The following RNF130 variants were observed in gnomAD, a reference collection of about 807,000 sequenced individuals.
RNF130 encodes the protein E3 ubiquitin-protein ligase RNF130.
RNF130 carries 21 observed loss-of-function variants against 44.6 expected under a neutral mutation model. The ratio of observed to expected loss-of-function variants is 0.47; its 90% confidence interval spans 0.33 to 0.68. The LOEUF is 0.68. Among genes scored for constraint, RNF130 ranks in the 30% least tolerant of loss-of-function variants. The probability of loss-of-function intolerance (pLI) is 0.02; values close to 1 mark genes in which losing one functional copy is unlikely to be tolerated. For synonymous variants in RNF130, 214 were observed against 210.4 expected (o/e 1.02, Z -0.15); for missense variants, 479 against 560.6 (o/e 0.85, Z 1.47).
intron 3 of RNF130, among the ~76,000 whole-genome samples, chr5:179,994,462 CTT>C (rs1231541626): frequency 6.6e-6 from 1 of 152,154 alleles, no homozygotes; most frequent in East Asian, 1.9e-4. Flanking sequence ...ATTTTACTCT[CTT>C]TGAAGCAATT....
intron 1 of RNF130, among the ~76,000 whole-genome samples, chr5:180,047,623 A>C (rs1764596575): frequency 6.6e-6 from 1 of 152,140 alleles, no homozygotes; most frequent in African/African-American, 2.4e-5. Context: ...GTAGGCCTGT[A>C]ATCCTAGCTA....
chr5:180,028,372 C>T (rs1365490664), intron 2 of RNF130, among the ~76,000 whole-genome samples: 1 of 152,126 alleles, frequency 6.6e-6, no homozygotes, highest in Non-Finnish European at 1.5e-5. Flanking sequence ...AATCCAACTC[C>T]CTCTCTCTAC....
chr5:180,027,194 G>C (rs971631148), intron 2 of RNF130, among the ~76,000 whole-genome samples: 4 of 152,116 alleles, frequency 2.6e-5, no homozygotes, highest in African/African-American at 7.2e-5. Context: ...ACTGTCTGGG[G>C]TGGGGTGGGG....
exon 8 of RNF130, chr5:179,912,544 C>A (rs1296484875): frequency 6.6e-6 from 1 of 152,248 alleles, no homozygotes. Context: ...CTCTCTGCTT[C>A]TCTCCAGGAT....
At chr5:180,036,815 TATA>T (rs1251850177) in intron 2 of RNF130, among the ~76,000 whole-genome samples, 1 of 146,232 alleles carries the variant, frequency 6.8e-6, no homozygotes, top group Non-Finnish European at 1.5e-5. Flanking sequence ...TTACAAAGAA[TATA>T]ATGTCTGTCT....
chr5:180,041,496 G>A (rs751831320), intron 1 of RNF130, among the ~76,000 whole-genome samples: 3 of 151,916 alleles, frequency 2.0e-5, no homozygotes, highest in East Asian at 3.9e-4. Context: ...CTGCACATAT[G>A]GCCATCATGG....
intron 1 of RNF130, among the ~76,000 whole-genome samples, chr5:180,047,819 C>G (rs968351255): frequency 1.1e-4 from 17 of 152,194 alleles, no homozygotes; most frequent in Admixed American, 1.1e-3. Context: ...GCTCTCCTCT[C>G]TCCACTCCCA....
At chr5:180,057,594 C>G (rs910755842) in intron 1 of RNF130, among the ~76,000 whole-genome samples, 1 of 151,930 alleles carries the variant, frequency 6.6e-6, no homozygotes, top group African/African-American at 2.4e-5. Flanking sequence ...TCCCTAAAAA[C>G]TTTAAACAAC....
intron 3 of RNF130, among the ~76,000 whole-genome samples, chr5:180,004,767 T>G (rs1247474195): frequency 6.6e-6 from 1 of 152,248 alleles, no homozygotes; most frequent in Admixed American, 6.5e-5. Flanking sequence ...GGTTTTGCCA[T>G]TCGGCAATCA....
chr5:180,059,336 G>A (rs1419579389), intron 1 of RNF130, among the ~76,000 whole-genome samples: 1 of 152,188 alleles, frequency 6.6e-6, no homozygotes, highest in African/African-American at 2.4e-5. Context: ...GCATCCCGAT[G>A]CTTTCCCAAG....
intron 1 of RNF130, among the ~76,000 whole-genome samples, chr5:180,070,077 C>T (rs1765209476): frequency 6.6e-6 from 1 of 152,224 alleles, no homozygotes; most frequent in African/African-American, 2.4e-5. Context: ...CTTGCCTCCC[C>T]TTCCTCTTTC....
At chr5:179,960,682 C>G (rs1477567814) in intron 8 of RNF130, among the ~76,000 whole-genome samples, 1 of 152,184 alleles carries the variant, frequency 6.6e-6, no homozygotes, top group Non-Finnish European at 1.5e-5. Context: ...ACTAGTAACA[C>G]TGCCAGAAAG....
intron 7 of RNF130, among the ~76,000 whole-genome samples, chr5:179,942,519 A>G (rs1761979952): frequency 2.0e-5 from 3 of 152,208 alleles, no homozygotes; most frequent in African/African-American, 7.2e-5. Flanking sequence ...GAAAATAGTA[A>G]GTGGAAGCCC....
chr5:180,035,847 C>T (rs902934262), intron 2 of RNF130, among the ~76,000 whole-genome samples: 10 of 152,116 alleles, frequency 6.6e-5, no homozygotes, highest in African/African-American at 1.7e-4. Flanking sequence ...CTGTCTGGCT[C>T]GGCTCTTTTA....
At chr5:179,919,641 C>T (rs1011093420) in exon 8 of RNF130, 1 of 152,458 alleles carries the variant, frequency 6.6e-6, no homozygotes, top group Non-Finnish European at 1.5e-5. Context: ...ACACTTGTCA[C>T]TTTACGTCAT....
chr5:179,931,057 A>T (rs1761800583), intron 7 of RNF130, among the ~76,000 whole-genome samples: 1 of 142,992 alleles, frequency 7.0e-6, no homozygotes, highest in Non-Finnish European at 1.5e-5. Flanking sequence ...AAAAAAAAAA[A>T]TCAAGAATAG....
intron 2 of RNF130, among the ~76,000 whole-genome samples, chr5:180,028,468 G>A (rs189072729): frequency 1.5e-4 from 23 of 152,212 alleles, no homozygotes; most frequent in Admixed American, 1.5e-3. Flanking sequence ...CTACTGAGAG[G>A]ATTTTCTCTT....
At chr5:180,019,414 C>A (rs926108329) in intron 2 of RNF130, among the ~76,000 whole-genome samples, 2 of 151,758 alleles carry the variant, frequency 1.3e-5, no homozygotes, top group Non-Finnish European at 2.9e-5. Flanking sequence ...CTTTGAAGTT[C>A]CAGAAGGACT....
chr5:179,975,964 C>A (rs574137314), intron 5 of RNF130, among the ~76,000 whole-genome samples: 203 of 149,126 alleles, frequency 1.4e-3, no homozygotes, highest in Non-Finnish European at 9.8e-4. Context: ...GGCCTCCACC[C>A]GGGATGCTTC....
Sources: allele counts gnomAD v4.1 joint callset (sites outside exome capture counted in the v4.1 genomes callset), GRCh38; gene constraint gnomAD v4.1.1; transcripts MANE v1.5; gene names NCBI Gene and HGNC (gene_info 2026-07-23, HGNC 2026-07-21).